The following MYH11 variants were observed in gnomAD, a reference collection of about 807,000 sequenced individuals.
MYH11 encodes the protein myosin-11.
A neutral mutation model predicts 246.6 loss-of-function variants in MYH11; 80 were observed. The observed-to-expected ratio is 0.32, with a 90% CI of 0.27 to 0.39. The LOEUF (loss-of-function observed/expected upper bound fraction) is 0.39, where lower values mean the gene tolerates loss of function less well. MYH11 is among the 10% of genes least tolerant of loss of function. The probability of loss-of-function intolerance (pLI) is 1.00; values close to 1 mark genes in which losing one functional copy is unlikely to be tolerated. For synonymous variants in MYH11, 1,071 were observed against 1,015.5 expected (o/e 1.05, Z -1.04); for missense variants, 2,158 against 2,546.8 (o/e 0.85, Z 3.29).
In MYH11 at chr16:15,742,788, A is replaced by G. The variant is rs530449378; in HGVS notation, c.2521-897T>C. ...ATGTATTACCCCATGCTGTTACATCATTCTTACAACTTTACATAGCCATCT... is the reference window on the plus strand; with the variant it reads ...ATGTATTACCCCATGCTGTTACATCGTTCTTACAACTTTACATAGCCATCT... On this transcript the variant is annotated intron_variant, in intron 20 of 40. Transcript: ENST00000300036. 3.4e-4 allele frequency among the ~76,000 whole-genome samples: 52 copies of G among 151,856 alleles called. No homozygotes were observed. In the East Asian group the frequency reaches 0.01, roughly 29 times the overall value.
chr16:15,779,901 G>A (rs2042307007), intron 6 of MYH11, among the ~76,000 whole-genome samples: 1 of 152,218 alleles, frequency 6.6e-6, no homozygotes, highest in South Asian at 2.1e-4. Context: ...AACATGGTGG[G>A]AAGTGTTGGC....
At chr16:15,846,055 T>C (rs776872196) in intron 1 of MYH11, among the ~76,000 whole-genome samples, 3 of 152,010 alleles carry the variant, frequency 2.0e-5, no homozygotes, top group Non-Finnish European at 4.4e-5. Context: ...GCCGACATCA[T>C]ACCACTACAC....
chr16:15,798,613 A>C lies in MYH11; in HGVS notation c.530+47T>G, dbSNP rs776521650. 70 of 1,528,528 alleles carry C rather than the reference A, an allele frequency of 4.6e-5. 1 individual carries two copies. The highest frequency in any genetic ancestry group is 6.0e-5 in the Non-Finnish European group (68 of 1,137,186). The allele number at this position is 1,528,528 out of a possible 1,614,324, so 94.7% of individuals were successfully genotyped here. ...GTTGGATCTCGACTACAGATTAAAA[A>C]AAAAAAAAAACAAAAAAAAAACAGA... On this transcript the variant is annotated intron_variant, in intron 4 of 40. Coordinates refer to ENST00000300036, the MANE Select transcript of MYH11 (RefSeq NM_002474.3).
intron 8 of MYH11, 51 bp downstream of exon 8, chr16:15,776,027 T>A (rs1038345132): frequency 7.4e-7 from 1 of 1,345,352 alleles, no homozygotes; most frequent in South Asian, 1.2e-5. Flanking sequence ...CGGATTCTGA[T>A]GAAAGGGAAG....
intron 9 of MYH11, among the ~76,000 whole-genome samples, chr16:15,770,016 G>GA (rs904954435): frequency 1.2e-4 from 18 of 151,994 alleles, no homozygotes; most frequent in African/African-American, 4.4e-4. Flanking sequence ...AGTACATCAA[G>GA]AAAAAAGGAT....
At chr16:15,721,194 C>T (rs1328518029) in intron 32 of MYH11, 143 bp from the exon 33 acceptor site, 11 of 1,010,918 alleles carry the variant, frequency 1.1e-5, no homozygotes, top group Non-Finnish European at 3.0e-6. Context: ...CAAGATGACC[C>T]CTGAGAGTTC....
chr16:15,792,594 T>C (rs950107558), intron 4 of MYH11: 2 of 151,946 alleles, frequency 1.3e-5, no homozygotes, highest in African/African-American at 2.4e-5. Flanking sequence ...CGTAAACAAG[T>C]GGGTGCGGCT....
chr16:15,825,434 G>GTA (rs894617475), intron 2 of MYH11, among the ~76,000 whole-genome samples: 2 of 150,674 alleles, frequency 1.3e-5, no homozygotes, highest in African/African-American at 2.4e-5. Context: ...GTGATCACCT[G>GTA]TAGTCCCAGC....
At chr16:15,813,208 C>G (rs116189595) in intron 3 of MYH11, among the ~76,000 whole-genome samples, 1,999 of 151,878 alleles carry the variant, frequency 0.013, 51 homozygotes, top group African/African-American at 0.046. Context: ...TTTTAATTAG[C>G]TGAGCATGGT....
intron 14 of MYH11, among the ~76,000 whole-genome samples, chr16:15,754,752 C>T (rs2041667500): frequency 6.6e-6 from 1 of 152,254 alleles, no homozygotes; most frequent in South Asian, 2.1e-4. Flanking sequence ...CAACCTCCAA[C>T]TTCCTGGGTC....
At chr16:15,709,619 T>G (rs2039667206) in intron 40 of MYH11, among the ~76,000 whole-genome samples, 1 of 152,122 alleles carries the variant, frequency 6.6e-6, no homozygotes, top group Admixed American at 6.6e-5. Flanking sequence ...CCGGCTCAGT[T>G]TTTTAAATGG....
At chr16:15,806,230 C>G (rs1404072093) in intron 3 of MYH11, among the ~76,000 whole-genome samples, 5 of 135,562 alleles carry the variant, frequency 3.7e-5, no homozygotes, top group Non-Finnish European at 7.6e-5. Flanking sequence ...TGAGCCGAGA[C>G]CACATCACTG....
chr16:15,786,962 G>T (rs1375221854), intron 4 of MYH11, among the ~76,000 whole-genome samples: 4 of 152,168 alleles, frequency 2.6e-5, no homozygotes, highest in Non-Finnish European at 5.9e-5. Context: ...ACATAGAAAA[G>T]AATTCAGATA....
chr16:15,719,369 C>T (rs981292057), intron 35 of MYH11, 61 bp from the exon 36 acceptor site: 174 of 1,567,646 alleles, frequency 1.1e-4, no homozygotes, highest in Non-Finnish European at 1.4e-4. Flanking sequence ...ACCAAGAGTC[C>T]ACCCTGACAA....
chr16:15,852,845 T>C (rs2044365441), intron 1 of MYH11, among the ~76,000 whole-genome samples: 1 of 152,098 alleles, frequency 6.6e-6, no homozygotes, highest in African/African-American at 2.4e-5. Flanking sequence ...TGCAAGGCCC[T>C]CCCTTGCAAA....
chr16:15,830,797 G>T (rs567976827), intron 2 of MYH11, among the ~76,000 whole-genome samples: 1 of 152,108 alleles, frequency 6.6e-6, no homozygotes, highest in Non-Finnish European at 1.5e-5. Flanking sequence ...ATGATCGCTT[G>T]AATCCAGAAG....
At chr16:15,717,602 C>T (rs1391113839) in intron 37 of MYH11, 1 of 582,718 alleles carries the variant, frequency 1.7e-6, no homozygotes, top group African/African-American at 1.9e-5. Context: ...CGAGACCTGC[C>T]TGGCCAACAT....
At chr16:15,770,798 G>T (rs1458129963) in intron 9 of MYH11, among the ~76,000 whole-genome samples, 1 of 152,094 alleles carries the variant, frequency 6.6e-6, no homozygotes, top group Non-Finnish European at 1.5e-5. Context: ...CTCCATTCAG[G>T]AACTTAAGCC....
At chr16:15,811,401 T>C (rs2043134493) in intron 3 of MYH11, among the ~76,000 whole-genome samples, 1 of 152,116 alleles carries the variant, frequency 6.6e-6, no homozygotes, top group Admixed American at 6.5e-5. Context: ...AAGAGTAACA[T>C]TCTGAGGGCA....
Sources: gnomAD v4.1 joint callset for allele counts (sites outside exome capture counted in the v4.1 genomes callset) on GRCh38, gnomAD v4.1.1 for gene constraint, MANE v1.5 for transcripts, NCBI Gene and HGNC (gene_info 2026-07-23, HGNC 2026-07-21) for gene names.